CNNM3: variants seen among roughly 807,000 people sequenced by gnomAD.
CNNM3 encodes the protein metal transporter CNNM3.
A neutral mutation model predicts 57.1 loss-of-function variants in CNNM3; 47 were observed. The ratio of observed to expected loss-of-function variants is 0.82; its 90% CI spans 0.65 to 1.05. CNNM3 has a LOEUF of 1.05. CNNM3 is among the 50% of genes least tolerant of loss of function. The pLI is 0.00. For synonymous variants in CNNM3, 507 were observed against 478.2 expected (o/e 1.06, Z -0.79); for missense variants, 957 against 973.7 (o/e 0.98, Z 0.23).
chr2:96,816,961 C>T lies in CNNM3; in HGVS notation c.684C>T (p.Ser228=), dbSNP rs1379378642. Residue 228 remains serine, a synonymous_variant, in exon 1 of 8, where the codon AGC becomes AGT. Transcript: ENST00000305510. ...GQRAVPAVLG[S]AGLVFLVGEV... is the part of the protein sequence containing the mutation. ...GTGCGGTGCCCGCCGTGTTGGGCAG[C>T]GCGGGGCTCGTGTTCCTGGTGGGAG... The T allele has an allele frequency of 3.2e-5, 43 of 1,332,228 alleles. 1 individual carries two copies. Among genetic ancestry groups the T allele is most frequent in the East Asian group, 3.9e-5 (1 of 25,542 alleles). 82.5% of individuals were successfully genotyped at this position (1,332,228 alleles called of 1,614,324 possible).
chr2:96,817,993 GGC>G (rs1233835037), intron 1 of CNNM3, among the ~76,000 whole-genome samples: 1 of 152,154 alleles, frequency 6.6e-6, no homozygotes, highest in Non-Finnish European at 1.5e-5. Context: ...TAAGGTCCCT[GGC>G]GTTACTGCAG....
Position 96,816,305 on chromosome 2 carries a change from C to A in CNNM3, c.28C>A (p.Arg10=), listed in dbSNP as rs373318478. 7 of 1,287,682 alleles carry A rather than the reference C, an allele frequency of 5.4e-6. No individual in the cohort carries two copies. In the South Asian group the frequency reaches 1.8e-4, roughly 33 times the overall value. 79.8% of individuals were successfully genotyped at this position (1,287,682 alleles called of 1,614,324 possible). The change falls in exon 1 of 8, where the codon CGG becomes AGG. Residue 10 remains arginine, a synonymous_variant. Coordinates refer to ENST00000305510, the MANE Select transcript of CNNM3 (RefSeq NM_017623.5). MAAAVAAAG[R]LGWLFAALCL... Reference sequence around the variant, plus strand: ...GGCGGCGGCGGTAGCTGCGGCGGGTCGGTTAGGCTGGTTGTTCGCCGCGCT... The same window carrying A: ...GGCGGCGGCGGTAGCTGCGGCGGGTAGGTTAGGCTGGTTGTTCGCCGCGCT...
rs2079333326 is a variant in CNNM3 at position 96,817,097 on chromosome 2, G to A, written c.820G>A (p.Gly274Arg). 6.7e-6 allele frequency: 9 copies of A among 1,343,470 alleles called. No individual in the cohort carries two copies. In the South Asian group the frequency reaches 1.6e-4, roughly 23 times the overall value. 83.2% of individuals were successfully genotyped at this position (1,343,470 alleles called of 1,614,324 possible). Residue 274 changes from glycine (G) to arginine (R), a missense_variant, in exon 1 of 8, where the codon GGG becomes AGG. Gly to Arg is a moderately radical substitution (Grantham distance 125). Around this residue, in one of 2 missense-constraint regions of CNNM3, gnomAD observed 466 missense variants for 403.1 expected, o/e 1.16. Transcript: ENST00000305510. ...CACTCTGCCCGTCGCGCTGCCCGTG[G>A]GGCAGCTGCTGGAGCTGGCGGCGCG... ...LLTLPVALPV[G>R]QLLELAARPG...
intron 6 of CNNM3, 84 bp from the exon 7 acceptor site, chr2:96,828,912 T>C (rs1406203737): frequency 6.3e-7 from 1 of 1,577,194 alleles, no homozygotes; most frequent in East Asian, 2.3e-5. Flanking sequence ...GCCTCTGTCC[T>C]CTTCGGGCAC....
In CNNM3 at chr2:96,833,208, C is replaced by T. The variant is rs1014367702; in HGVS notation, c.*592C>T. 44 of 377,262 alleles carry T rather than the reference C, an allele frequency of 1.2e-4. No homozygotes were observed. Among genetic ancestry groups the T allele is most frequent in the Non-Finnish European group, 1.5e-4 (30 of 194,000 alleles). 23.4% of individuals were successfully genotyped at this position (377,262 alleles called of 1,614,324 possible). A position where few individuals can be genotyped will look rare whatever the true frequency, so the allele number is the denominator to read the frequency against. On this transcript the variant is annotated 3_prime_UTR_variant, in exon 8 of 8. Coordinates refer to ENST00000305510, the MANE Select transcript of CNNM3 (RefSeq NM_017623.5). ...GTGCCAAACCAGAAGCTCCACTGCC[C>T]GTAGGCTGTCCCTGTAGCCCTGCTC...
chr2:96,822,012 T>A (rs1036008814), intron 1 of CNNM3, among the ~76,000 whole-genome samples: 4 of 150,496 alleles, frequency 2.7e-5, no homozygotes, highest in African/African-American at 7.3e-5. Context: ...ATTATTTTTT[T>A]TTTTTTTTTG....
chr2:96,827,957 C>T, intron 4 of CNNM3, 57 bp downstream of exon 4: 1 of 1,592,078 alleles, frequency 6.3e-7, no homozygotes, highest in Non-Finnish European at 8.6e-7. Context: ...AGGGAAGGGT[C>T]TAGGAGAAGA....
At chr2:96,832,314 A>C in intron 7 of CNNM3, 1 of 985,090 alleles carries the variant, frequency 1.0e-6, no homozygotes, top group Non-Finnish European at 1.2e-6. Flanking sequence ...CAGCATAATG[A>C]CCTGGGACCC....
intron 7 of CNNM3, among the ~76,000 whole-genome samples, chr2:96,830,890 A>G (rs2079590859): frequency 6.6e-6 from 1 of 152,236 alleles, no homozygotes; most frequent in Non-Finnish European, 1.5e-5. Context: ...CCCCTTCTAC[A>G]GAAGTTCACA....
rs1425933351 is a variant in CNNM3, at chr2:96,816,494, A to G, written c.217A>G (p.Asn73Asp). 4 of 1,458,228 alleles carry G rather than the reference A, an allele frequency of 2.7e-6. No individual in the cohort carries two copies. Among genetic ancestry groups the G allele is most frequent in the Admixed American group, 2.6e-5 (1 of 38,008 alleles). 90.3% of individuals were successfully genotyped at this position (1,458,228 alleles called of 1,614,324 possible). A position where few individuals can be genotyped will look rare whatever the true frequency, so the allele number is the denominator to read the frequency against. ...GCGCCTCTTCGGCCCGGGCTTCGCC[A>G]ACAGCTCTTGGTCCTGGGTGGCCCC... Reference protein sequence around the residue: ...LLRLFGPGFANSSWSWVAPEG... With the variant: ...LLRLFGPGFADSSWSWVAPEG... Residue 73 changes from asparagine to aspartate, a missense_variant, in exon 1 of 8, where the codon AAC becomes GAC. By Grantham distance (23) the Asn-to-Asp change is conservative. Around this residue, in one of 2 missense-constraint regions of CNNM3, gnomAD observed 466 missense variants for 403.1 expected, o/e 1.16. Transcript: ENST00000305510.
rs930900774 is a variant in CNNM3, at chr2:96,834,200, G to A, written c.*1584G>A. Reference sequence around the variant, plus strand: ...CCCAAAGTGCTGGGATTATAGGTGTGAGCTAAGATCAGGGATTCTTAACCT... The same window carrying A: ...CCCAAAGTGCTGGGATTATAGGTGTAAGCTAAGATCAGGGATTCTTAACCT... On this transcript the variant is annotated 3_prime_UTR_variant, in exon 8 of 8. Transcript: ENST00000305510. Among the ~76,000 whole-genome samples, 16 of 152,092 alleles carry A rather than the reference G, an allele frequency of 1.1e-4. No homozygotes were observed. The highest frequency in any genetic ancestry group is 3.9e-4 in the African/African-American group (16 of 41,412).
chr2:96,827,035 C>T (rs1442056569), intron 3 of CNNM3, 53 bp downstream of exon 3: 1 of 1,585,690 alleles, frequency 6.3e-7, no homozygotes, highest in Admixed American at 1.7e-5. Context: ...TTCTGTGGGT[C>T]AGGAGGCCGC....
rs1233383872 is a variant in CNNM3 at position 96,834,336 on chromosome 2, A to AT, written c.*1722dup. On this transcript the variant is annotated 3_prime_UTR_variant, in exon 8 of 8. Coordinates refer to ENST00000305510, the MANE Select transcript of CNNM3 (RefSeq NM_017623.5). Reference sequence around the variant, plus strand: ...GTTTTCAATTTTTTATTTATTTATTATTATTATTATTATTATTATTATTAT... The same window carrying AT: ...GTTTTCAATTTTTTATTTATTTATTATTTATTATTATTATTATTATTATTAT... Among the ~76,000 whole-genome samples, 1 of 147,348 alleles carries AT rather than the reference A, an allele frequency of 6.8e-6. No homozygotes were observed. Among genetic ancestry groups the AT allele is most frequent in the African/African-American group, 2.5e-5 (1 of 39,982 alleles).
chr2:96,836,070 ACCCCTC>A (rs1368115879), downstream of CNNM3, among the ~76,000 whole-genome samples: 3 of 106,824 alleles, frequency 2.8e-5, no homozygotes, highest in South Asian at 9.3e-4. Flanking sequence ...TATCTTTTTC[ACCCCTC>A]CCCCTCCCCC....
intron 1 of CNNM3, among the ~76,000 whole-genome samples, chr2:96,820,944 C>T (rs1057305423): frequency 2.0e-4 from 30 of 152,164 alleles, no homozygotes; most frequent in Admixed American, 6.5e-5. Flanking sequence ...GGCTGGGTGG[C>T]CTCCAGGCAG....
At chr2:96,827,355 C>T (rs1463690779) in intron 3 of CNNM3, among the ~76,000 whole-genome samples, 1 of 152,032 alleles carries the variant, frequency 6.6e-6, no homozygotes, top group African/African-American at 2.4e-5. Flanking sequence ...GCAACCTCCG[C>T]CTTCTGGGTT....
intron 7 of CNNM3, chr2:96,831,859 C>A: frequency 2.1e-6 from 1 of 473,410 alleles, no homozygotes; most frequent in Non-Finnish European, 2.8e-6. Flanking sequence ...TCTCCCTCAG[C>A]TTCCCCTGCC....
Position 96,834,135 on chromosome 2 carries a change from CT to C in CNNM3, c.*1521del, listed in dbSNP as rs2079651325. On this transcript the variant is annotated 3_prime_UTR_variant, in exon 8 of 8. Transcript: ENST00000305510. ...GTTTCACCATGTTGGCCAGGCTGAT[CT>C]TGAACTCCTGACCTCAGGTGATCTG... is the stretch of plus-strand genomic sequence containing the variant. Among the ~76,000 whole-genome samples the C allele has an allele frequency of 6.6e-6, 1 of 151,944 alleles. No individual in the cohort carries two copies. The highest frequency in any genetic ancestry group is 2.4e-5 in the African/African-American group (1 of 41,350).
intron 1 of CNNM3, 132 bp downstream of exon 1, chr2:96,817,634 T>A (rs2079344736): frequency 2.4e-6 from 2 of 830,062 alleles, no homozygotes; most frequent in Non-Finnish European, 3.8e-6. Context: ...AAGGTCCCTT[T>A]TCAAGACGGT....
Sources: allele counts gnomAD v4.1 joint callset (sites outside exome capture counted in the v4.1 genomes callset), GRCh38; gene constraint gnomAD v4.1.1; regional missense constraint gnomAD v4.1.1; transcripts MANE v1.5; gene names NCBI Gene and HGNC (gene_info 2026-07-23, HGNC 2026-07-21).